TNFSF8: variants seen among roughly 807,000 people sequenced by gnomAD.
TNFSF8 encodes the protein tumor necrosis factor ligand superfamily member 8.
In TNFSF8, 4 loss-of-function variants were observed where a neutral mutation model predicts 22.0. The ratio of observed to expected loss-of-function variants is 0.18; its 90% CI spans 0.09 to 0.42. TNFSF8 has a LOEUF of 0.42. Ranked by LOEUF, TNFSF8 falls within the 10% of genes least tolerant of loss-of-function variation. TNFSF8 has a pLI of 1.00. For missense variants in TNFSF8, 233 were observed against 281.8 expected, an observed-to-expected ratio of 0.83 and a Z score of 1.24; for synonymous variants, 106 against 112.5, an observed-to-expected ratio of 0.94 and a Z score of 0.37.
chr9:114,915,871 G>A (rs1159298358), intron 2 of TNFSF8, among the ~76,000 whole-genome samples: 1 of 152,122 alleles, frequency 6.6e-6, no homozygotes, highest in Non-Finnish European at 1.5e-5. Flanking sequence ...AATATTATTA[G>A]CATTTAAAAA....
At chr9:114,927,896 T>A (rs1309991551) in intron 1 of TNFSF8, among the ~76,000 whole-genome samples, 1 of 152,054 alleles carries the variant, frequency 6.6e-6, no homozygotes. Context: ...TCTTCCTGTT[T>A]TCAAGTCAGT....
chr9:114,902,095 T>C lies in TNFSF8; in HGVS notation c.*1836A>G, dbSNP rs898857281. 3.0e-6 allele frequency: 3 copies of C among 985,276 alleles called. No individual in the cohort carries two copies. Among genetic ancestry groups the C allele is most frequent in the African/African-American group, 3.5e-5 (2 of 57,210 alleles). The allele number at this position is 985,276 out of a possible 1,614,324, so 61.0% of individuals were successfully genotyped here. ...ATAACATCAGGGCCTACATTCCATC[T>C]CAAACGGCTTGTCAAGGTCCTTCCA... On this transcript the variant is annotated 3_prime_UTR_variant, in exon 4 of 4. Coordinates refer to ENST00000223795, the MANE Select transcript of TNFSF8 (RefSeq NM_001244.4).
chr9:114,919,927 G>C (rs1410266620), intron 1 of TNFSF8, among the ~76,000 whole-genome samples: 1 of 152,140 alleles, frequency 6.6e-6, no homozygotes, highest in Non-Finnish European at 1.5e-5. Context: ...TCTGGAGATG[G>C]GGGAAGTCAG....
At chr9:114,909,973 C>G (rs139858011) in intron 2 of TNFSF8, among the ~76,000 whole-genome samples, 1,557 of 152,284 alleles carry the variant, frequency 0.01, 16 homozygotes, top group Admixed American at 0.031. Context: ...CTAGGTCATC[C>G]AGAGAGTTAG....
At chr9:114,904,475 A>G (rs1827760188) in intron 3 of TNFSF8, 150 bp from the exon 4 acceptor site, 1 of 1,183,226 alleles carries the variant, frequency 8.5e-7, no homozygotes, top group Non-Finnish European at 1.2e-6. Flanking sequence ...TACTCCCTCT[A>G]GAGTCTACTT....
At chr9:114,910,051 C>G (rs1222011601) in intron 2 of TNFSF8, among the ~76,000 whole-genome samples, 1 of 152,170 alleles carries the variant, frequency 6.6e-6, no homozygotes, top group Non-Finnish European at 1.5e-5. Flanking sequence ...TTTCAGACAA[C>G]CCTAGCACTG....
intron 4 of TNFSF8, among the ~76,000 whole-genome samples, chr9:114,894,899 C>T (rs548832315): frequency 6.6e-6 from 1 of 152,208 alleles, no homozygotes; most frequent in South Asian, 2.1e-4. Context: ...TTTACTCATC[C>T]CATTGTATTG....
At chr9:114,895,270 T>C (rs1728815790) in intron 4 of TNFSF8, among the ~76,000 whole-genome samples, 1 of 152,192 alleles carries the variant, frequency 6.6e-6, no homozygotes, top group Non-Finnish European at 1.5e-5. Flanking sequence ...TGGAGATGGA[T>C]TCTTCTTGTC....
downstream of TNFSF8, among the ~76,000 whole-genome samples, chr9:114,900,825 C>T (rs761281076): frequency 2.6e-5 from 4 of 152,082 alleles, no homozygotes; most frequent in South Asian, 2.1e-4. Flanking sequence ...CTACTAAAAA[C>T]GCAAAAATCA....
intron 1 of TNFSF8, among the ~76,000 whole-genome samples, chr9:114,929,463 AG>A (rs1353342389): frequency 2.6e-5 from 4 of 152,132 alleles, no homozygotes; most frequent in Middle Eastern, 6.8e-3. Context: ...CAAAGCTCTA[AG>A]AAGCCATGGT....
intron 4 of TNFSF8, among the ~76,000 whole-genome samples, chr9:114,895,664 C>T (rs1022315822): frequency 1.3e-5 from 2 of 152,188 alleles, no homozygotes; most frequent in African/African-American, 4.8e-5. Flanking sequence ...TTTGTTCTCC[C>T]AACAGCTTCC....
chr9:114,901,353 C>T lies in TNFSF8; in HGVS notation c.*2578G>A. 1.0e-6 allele frequency: 1 copy of T among 985,318 alleles called. No individual in the cohort carries two copies. Among genetic ancestry groups the T allele is most frequent in the African/African-American group, 1.7e-5 (1 of 57,306 alleles). 61.0% of individuals were successfully genotyped at this position (985,318 alleles called of 1,614,324 possible). On this transcript the variant is annotated 3_prime_UTR_variant, in exon 4 of 4. Transcript: ENST00000223795. ...TTTTTGTTTGTTTGGTTACATTATT[C>T]ATTTAAATGATGTACCCCTTGTGTC... is the stretch of plus-strand genomic sequence containing the variant.
chr9:114,929,981 G>T (rs34855182), intron 1 of TNFSF8, 128 bp downstream of exon 1: 11,427 of 462,570 alleles, frequency 0.025, 232 homozygotes, highest in Non-Finnish European at 0.031. Flanking sequence ...TATATATAGA[G>T]AGAGAGAGTT....
At chr9:114,894,229 G>T in intron 4 of TNFSF8, 1 of 1,385,028 alleles carries the variant, frequency 7.2e-7, no homozygotes, top group Non-Finnish European at 9.9e-7. Flanking sequence ...TTTTGACGTT[G>T]TTGTTACTCA....
At chr9:114,908,796 G>A (rs561402875) in intron 2 of TNFSF8, among the ~76,000 whole-genome samples, 23 of 152,270 alleles carry the variant, frequency 1.5e-4, no homozygotes, top group Admixed American at 1.0e-3. Flanking sequence ...GCCAGAGCTG[G>A]TTCAGAAAGG....
chr9:114,905,681 C>G (rs1033725091), intron 3 of TNFSF8, 147 bp downstream of exon 3: 11 of 710,144 alleles, frequency 1.5e-5, no homozygotes, highest in Non-Finnish European at 2.3e-5. Context: ...ATTCAAATTA[C>G]AAAAAAATTT....
Position 114,905,824 on chromosome 9 carries a change from T to A in TNFSF8, c.310+4A>T. ...GTTTAGGTTTCCTGGGCTTGGTTAC[T>A]GACCTTGGAGGTAGGCCCATGACTT... On this transcript the variant is annotated splice_donor_region_variant and intron_variant, in intron 3 of 3. Coordinates refer to ENST00000223795, the MANE Select transcript of TNFSF8 (RefSeq NM_001244.4). 6.2e-7 allele frequency: 1 copy of A among 1,609,266 alleles called. No individual in the cohort carries two copies. Among genetic ancestry groups the A allele is most frequent in the Non-Finnish European group, 8.5e-7 (1 of 1,175,724 alleles).
At chr9:114,928,372 GCTC>G (rs1828089110) in intron 1 of TNFSF8, among the ~76,000 whole-genome samples, 1 of 152,136 alleles carries the variant, frequency 6.6e-6, no homozygotes, top group African/African-American at 2.4e-5. Context: ...TTCCCTCTCT[GCTC>G]CTCATTTTCC....
At position 114,902,400 on chromosome 9, in the gene TNFSF8, G is replaced by A; in HGVS notation, c.*1531C>T. On this transcript the variant is annotated 3_prime_UTR_variant, in exon 4 of 4. Coordinates refer to ENST00000223795, the MANE Select transcript of TNFSF8 (RefSeq NM_001244.4). ...CATCACTGTTGCACACTGATTGTTT[G>A]CTAAAGGCACAATGCTTTCCTGACC... The A allele has an allele frequency of 2.0e-6, 2 of 985,452 alleles. No individual in the cohort carries two copies. The highest frequency in any genetic ancestry group is 1.2e-6 in the Non-Finnish European group (1 of 829,936). The allele number at this position is 985,452 out of a possible 1,614,324, so 61.0% of individuals were successfully genotyped here.
Sources: allele counts gnomAD v4.1 joint callset (sites outside exome capture counted in the v4.1 genomes callset), GRCh38; gene constraint gnomAD v4.1.1; transcripts MANE v1.5; gene names NCBI Gene and HGNC (gene_info 2026-07-23, HGNC 2026-07-21).